The following TRABD2B variants were observed in gnomAD, a reference collection of about 807,000 sequenced individuals.
TRABD2B encodes the protein metalloprotease TIKI2.
Under a neutral mutation model 40.1 loss-of-function variants are expected in TRABD2B, and 14 were observed. That is an observed-to-expected ratio of 0.35 (90% CI 0.23 to 0.55). The LOEUF is 0.55. Among genes scored for constraint, TRABD2B ranks in the 20% least tolerant of loss-of-function variants. The probability of loss-of-function intolerance (pLI) is 0.90; values close to 1 mark genes in which losing one functional copy is unlikely to be tolerated. For missense variants in TRABD2B, 541 were observed against 648.6 expected, an observed-to-expected ratio of 0.83 and a Z score of 1.80; for synonymous variants, 263 against 277.0, an observed-to-expected ratio of 0.95 and a Z score of 0.50.
At chr1:47,930,486 G>A (rs924695141) in intron 2 of TRABD2B, among the ~76,000 whole-genome samples, 3 of 152,052 alleles carry the variant, frequency 2.0e-5, no homozygotes, top group Non-Finnish European at 4.4e-5. Flanking sequence ...GAGGAGCTAC[G>A]AGTCCGCGAT....
chr1:47,926,645 G>T (rs908672975), intron 2 of TRABD2B, among the ~76,000 whole-genome samples: 2 of 152,180 alleles, frequency 1.3e-5, no homozygotes, highest in African/African-American at 2.4e-5. Flanking sequence ...GAGAAGGGCA[G>T]GCATTACTAC....
At chr1:47,831,812 C>G (rs1372183928) in intron 2 of TRABD2B, among the ~76,000 whole-genome samples, 1 of 152,190 alleles carries the variant, frequency 6.6e-6, no homozygotes, top group East Asian at 1.9e-4. Context: ...GAGCACCTGG[C>G]TCTTTCTCCT....
At chr1:47,807,735 T>C (rs1360153673) in intron 2 of TRABD2B, among the ~76,000 whole-genome samples, 2 of 152,240 alleles carry the variant, frequency 1.3e-5, no homozygotes, top group African/African-American at 2.4e-5. Context: ...TATTTAGGTA[T>C]TGTTAGCTTT....
At chr1:47,842,453 G>C (rs967658579) in intron 2 of TRABD2B, among the ~76,000 whole-genome samples, 1 of 152,148 alleles carries the variant, frequency 6.6e-6, no homozygotes, top group Admixed American at 6.5e-5. Context: ...CCCTCCCAGG[G>C]GGGAGGATAC....
At chr1:47,924,398 A>C (rs964989533) in intron 2 of TRABD2B, among the ~76,000 whole-genome samples, 1 of 152,120 alleles carries the variant, frequency 6.6e-6, no homozygotes, top group Non-Finnish European at 1.5e-5. Flanking sequence ...CCCAGCCTAC[A>C]CCTGATGCTC....
At position 47,888,175 on chromosome 1, in the gene TRABD2B, G is replaced by A. The variant is rs76903889; in HGVS notation, c.667-86556C>T. ...CAGGAGCATCTGCTTTTGATCTCTG[G>A]TCCTTTCAAATCTTAGGTTAAAATC... On this transcript the variant is annotated intron_variant, in intron 2 of 6. Coordinates refer to ENST00000606738, the MANE Select transcript of TRABD2B (RefSeq NM_001194986.2). Among the ~76,000 whole-genome samples, 725 of 152,308 alleles carry A rather than the reference G, an allele frequency of 4.8e-3. 7 individuals carry two copies. Among genetic ancestry groups the A allele is most frequent in the African/African-American group, 0.017 (711 of 41,572 alleles).
chr1:47,849,446 C>T (rs1044476538), intron 2 of TRABD2B, among the ~76,000 whole-genome samples: 2 of 152,210 alleles, frequency 1.3e-5, no homozygotes, highest in Admixed American at 6.5e-5. Context: ...ATTCCTGTTG[C>T]TTCGGCCACC....
rs568814784 is a variant in TRABD2B at position 47,951,203 on chromosome 1, C to T, written c.666+42831G>A. Among the ~76,000 whole-genome samples the T allele has an allele frequency of 6.6e-5, 10 of 152,208 alleles. No individual in the cohort carries two copies. The South Asian group carries it at 8.3e-4, about 13-fold the overall frequency. On this transcript the variant is annotated intron_variant, in intron 2 of 6. Transcript: ENST00000606738. ...ACTGCACCAGAGGCAGACAGGCAGG[C>T]GGGCAGGCAGGGGCGAGTCATCGGG...
intron 2 of TRABD2B, among the ~76,000 whole-genome samples, chr1:47,872,427 T>C (rs1305149972): frequency 6.6e-6 from 1 of 151,980 alleles, no homozygotes; most frequent in African/African-American, 2.4e-5. Context: ...AATGGATGGA[T>C]GGATGAAGAG....
Position 47,913,411 on chromosome 1 carries a change from A to G in TRABD2B, c.666+80623T>C, listed in dbSNP as rs369688037. ...CCTAAGTGTGCTCTGCACCCATCAG[A>G]AACAACACCATTTCTGATGGCAGAG... On this transcript the variant is annotated intron_variant, in intron 2 of 6. Coordinates refer to ENST00000606738, the MANE Select transcript of TRABD2B (RefSeq NM_001194986.2). Among the ~76,000 whole-genome samples, 16 of 152,300 alleles carry G rather than the reference A, an allele frequency of 1.1e-4. No individual in the cohort carries two copies. In the East Asian group the frequency reaches 1.5e-3, roughly 15 times the overall value.
At chr1:47,858,248 ATTTTATTTTAT>A (rs2124545780) in intron 2 of TRABD2B, among the ~76,000 whole-genome samples, 1 of 84,452 alleles carries the variant, frequency 1.2e-5, no homozygotes, top group South Asian at 3.8e-4. Context: ...ATTTTATTTT[ATTTTATTTTAT>A]TTTATTTTAT....
At chr1:47,845,145 A>G (rs1423440307) in intron 2 of TRABD2B, among the ~76,000 whole-genome samples, 2 of 152,038 alleles carry the variant, frequency 1.3e-5, no homozygotes, top group Admixed American at 6.6e-5. Context: ...TCCAATGACT[A>G]TGCCTTGCCC....
intron 4 of TRABD2B, among the ~76,000 whole-genome samples, chr1:47,779,736 G>A (rs1021360699): frequency 1.3e-5 from 2 of 152,134 alleles, no homozygotes; most frequent in Admixed American, 1.3e-4. Context: ...CCCTGTGGCT[G>A]CACTCATTAG....
intron 2 of TRABD2B, among the ~76,000 whole-genome samples, chr1:47,928,789 C>T (rs1334605135): frequency 6.6e-6 from 1 of 152,246 alleles, no homozygotes; most frequent in East Asian, 1.9e-4. Context: ...GGCCCTCACT[C>T]TGAGCTCTTT....
At chr1:47,869,664 G>A (rs1444723029) in intron 2 of TRABD2B, among the ~76,000 whole-genome samples, 1 of 152,178 alleles carries the variant, frequency 6.6e-6, no homozygotes, top group Non-Finnish European at 1.5e-5. Context: ...CAGAGAGAAG[G>A]CAGGAAAAGA....
chr1:47,889,504 G>A (rs1045129134), intron 2 of TRABD2B, among the ~76,000 whole-genome samples: 17 of 152,334 alleles, frequency 1.1e-4, no homozygotes, highest in African/African-American at 4.1e-4. Context: ...CAGATGTGGG[G>A]ATAAGACCTT....
rs567611442 is a variant in TRABD2B at position 47,947,807 on chromosome 1, G to A, written c.666+46227C>T. On this transcript the variant is annotated intron_variant, in intron 2 of 6. Coordinates refer to ENST00000606738, the MANE Select transcript of TRABD2B (RefSeq NM_001194986.2). ...CTTGCCTTCCAACACATTATCTCCCGCAGCTCACAGGGTGATTACCCGCAC... is the reference window on the plus strand; with the variant it reads ...CTTGCCTTCCAACACATTATCTCCCACAGCTCACAGGGTGATTACCCGCAC... Among the ~76,000 whole-genome samples the A allele has an allele frequency of 3.9e-5, 6 of 152,264 alleles. No individual in the cohort carries two copies. The East Asian group carries it at 5.8e-4, about 15-fold the overall frequency.
intron 6 of TRABD2B, among the ~76,000 whole-genome samples, chr1:47,770,344 C>A (rs1036062611): frequency 2.0e-5 from 3 of 152,176 alleles, no homozygotes; most frequent in African/African-American, 7.2e-5. Context: ...TTGCCTGCGG[C>A]TCTGGGTATC....
chr1:47,777,617 T>C (rs1194410810), intron 5 of TRABD2B, among the ~76,000 whole-genome samples: 1 of 152,178 alleles, frequency 6.6e-6, no homozygotes, highest in Non-Finnish European at 1.5e-5. Context: ...TTATGCAGAT[T>C]AAATGAGTTA....
Sources: allele counts gnomAD v4.1 joint callset (sites outside exome capture counted in the v4.1 genomes callset), GRCh38; gene constraint gnomAD v4.1.1; transcripts MANE v1.5; gene names NCBI Gene and HGNC (gene_info 2026-07-23, HGNC 2026-07-21).